MAP4K4: variants seen among roughly 807,000 people sequenced by gnomAD.
MAP4K4 encodes HPK/GCK-like kinase HGK.
A neutral mutation model predicts 189.6 loss-of-function variants in MAP4K4; 38 were observed. That is an observed-to-expected ratio of 0.20 (90% CI 0.15 to 0.26). MAP4K4 has a LOEUF of 0.26. Among genes scored for constraint, MAP4K4 ranks in the 10% least tolerant of loss-of-function variants. The pLI, the probability that MAP4K4 is intolerant of heterozygous loss-of-function variation, is 1.00. For synonymous variants in MAP4K4, 610 were observed against 624.3 expected (o/e 0.98, Z 0.34); for missense variants, 1,054 against 1,726.9 (o/e 0.61, Z 6.91).
At chr2:101,758,384 GAAC>G (rs2074020661) in intron 2 of MAP4K4, among the ~76,000 whole-genome samples, 2 of 152,132 alleles carry the variant, frequency 1.3e-5, no homozygotes, top group Non-Finnish European at 2.9e-5. Flanking sequence ...GTTCACCTTT[GAAC>G]AACATGGATT....
intron 2 of MAP4K4, among the ~76,000 whole-genome samples, chr2:101,702,370 C>A (rs1039145455): frequency 2.0e-5 from 3 of 151,912 alleles, no homozygotes; most frequent in African/African-American, 7.3e-5. Context: ...AGTTCGAGAC[C>A]AGCCTGGCCA....
chr2:101,891,243 C>G, exon 33 of MAP4K4: 1 of 1,613,246 alleles, frequency 6.2e-7, no homozygotes, highest in Non-Finnish European at 8.5e-7. Flanking sequence ...CTCTTCTGAG[C>G]TGGTAGAAGC....
intron 8 of MAP4K4, among the ~76,000 whole-genome samples, chr2:101,835,322 C>G (rs1168142453): frequency 6.6e-6 from 1 of 152,224 alleles, no homozygotes; most frequent in Non-Finnish European, 1.5e-5. Context: ...CATGAAAATG[C>G]ACATTGCATA....
intron 27 of MAP4K4, among the ~76,000 whole-genome samples, chr2:101,879,088 G>T (rs1020118427): frequency 5.3e-5 from 8 of 150,804 alleles, no homozygotes; most frequent in Non-Finnish European, 8.8e-5. Flanking sequence ...CCAGCAATCT[G>T]AGAGGCCAAG....
At position 101,857,986 on chromosome 2, in the gene MAP4K4, C is replaced by CT. The variant is rs573089074; in HGVS notation, c.1396-1004dup. Among the ~76,000 whole-genome samples the CT allele has an allele frequency of 2.9e-3, 441 of 152,272 alleles. 2 individuals are homozygous for CT. Among genetic ancestry groups the CT allele is most frequent in the African/African-American group, 0.01 (424 of 41,544 alleles). ...TTCTTAGTCTATTCCTCTTCTAGAG[C>CT]TTTTTTCCCTGTCCAAAAAAAGGAA... is the stretch of plus-strand genomic sequence containing the variant. On this transcript the variant is annotated intron_variant, in intron 13 of 32. Coordinates refer to ENST00000324219, the Ensembl canonical transcript of MAP4K4.
intron 2 of MAP4K4, among the ~76,000 whole-genome samples, chr2:101,768,266 TTTAA>T (rs1463058583): frequency 1.1e-4 from 16 of 152,372 alleles, no homozygotes; most frequent in Admixed American, 7.2e-4. Flanking sequence ...CTGTTTCCTC[TTTAA>T]TTAACCCCAG....
intron 2 of MAP4K4, among the ~76,000 whole-genome samples, chr2:101,750,134 A>G (rs1039860284): frequency 2.7e-5 from 4 of 149,520 alleles, no homozygotes; most frequent in African/African-American, 5.0e-5. Flanking sequence ...TAGAAATACC[A>G]TTTGACCCAG....
chr2:101,739,393 T>TC (rs1027884529), intron 2 of MAP4K4, among the ~76,000 whole-genome samples: 12 of 137,874 alleles, frequency 8.7e-5, no homozygotes, highest in African/African-American at 2.7e-4. Flanking sequence ...GTCTTTTTTT[T>TC]CCCTAAAATA....
intron 12 of MAP4K4, among the ~76,000 whole-genome samples, chr2:101,848,794 T>G (rs2097189693): frequency 6.6e-6 from 1 of 152,192 alleles, no homozygotes; most frequent in Non-Finnish European, 1.5e-5. Flanking sequence ...CTTCTCTGCC[T>G]CCTCCTTGTC....
chr2:101,794,762 C>T (rs2093485104), intron 3 of MAP4K4, among the ~76,000 whole-genome samples: 1 of 152,128 alleles, frequency 6.6e-6, no homozygotes, highest in Admixed American at 6.5e-5. Context: ...TATCTTATAT[C>T]GCTTATTTTT....
chr2:101,840,079 T>C, intron 10 of MAP4K4, 85 bp downstream of exon 10: 1 of 1,326,764 alleles, frequency 7.5e-7, no homozygotes. Context: ...CCTTCCCAGC[T>C]GTGAGAGTGC....
In MAP4K4 at chr2:101,776,807, A is replaced by G. The variant is rs542944352; in HGVS notation, c.124-13913A>G. On this transcript the variant is annotated intron_variant, in intron 2 of 32. Transcript: ENST00000324219. ...AGGCTATTTTTAATATGGCTATGTT[A>G]ATTGGCTTTTGTTAATTTATTCCAC... Among the ~76,000 whole-genome samples, 5 of 152,234 alleles carry G rather than the reference A, an allele frequency of 3.3e-5. No homozygotes were observed. In the East Asian group the frequency reaches 9.7e-4, roughly 29 times the overall value.
At chr2:101,852,842 G>C (rs2097329709) in intron 12 of MAP4K4, among the ~76,000 whole-genome samples, 1 of 152,128 alleles carries the variant, frequency 6.6e-6, no homozygotes, top group Non-Finnish European at 1.5e-5. Flanking sequence ...AACAGAGACA[G>C]GGGAAAAAAC....
At chr2:101,776,400 C>T (rs912686884) in intron 2 of MAP4K4, among the ~76,000 whole-genome samples, 1 of 152,084 alleles carries the variant, frequency 6.6e-6, no homozygotes, top group African/African-American at 2.4e-5. Context: ...TCCTGCTGGT[C>T]TAACGGGGCA....
intron 27 of MAP4K4, among the ~76,000 whole-genome samples, chr2:101,881,528 C>G (rs554280517): frequency 9.6e-4 from 146 of 151,988 alleles, no homozygotes; most frequent in African/African-American, 3.2e-3. Flanking sequence ...CCTTTTTTGT[C>G]TAATTGCATT....
chr2:101,781,296 C>T (rs899072482), intron 2 of MAP4K4, among the ~76,000 whole-genome samples: 3 of 152,150 alleles, frequency 2.0e-5, no homozygotes, highest in African/African-American at 7.2e-5. Flanking sequence ...CACCAGATGT[C>T]TCTAAAACTC....
At chr2:101,888,962 T>A in intron 32 of MAP4K4, 27 bp downstream of exon 32, 1 of 1,585,692 alleles carries the variant, frequency 6.3e-7, no homozygotes, top group African/African-American at 1.3e-5. Flanking sequence ...GGATTCTTTT[T>A]AGTTGCTCTA....
chr2:101,887,051 C>G, intron 29 of MAP4K4, 37 bp from the exon 30 acceptor site: 1 of 1,243,464 alleles, frequency 8.0e-7, no homozygotes, highest in Non-Finnish European at 1.1e-6. Context: ...AAAATGTTCT[C>G]CTTCATCTTC....
intron 2 of MAP4K4, among the ~76,000 whole-genome samples, chr2:101,741,475 G>C (rs925483098): frequency 1.3e-5 from 2 of 152,042 alleles, no homozygotes; most frequent in Admixed American, 1.3e-4. Context: ...GCCAGTAGTA[G>C]GTGTTTTTCT....
Sources: gnomAD v4.1 joint callset for allele counts (sites outside exome capture counted in the v4.1 genomes callset) on GRCh38, gnomAD v4.1.1 for gene constraint, MANE v1.5 for transcripts, NCBI Gene and HGNC (gene_info 2026-07-23, HGNC 2026-07-21) for gene names.